Variants in FGGY observed in about 807,000 individuals in gnomAD.
FGGY encodes FGGY carbohydrate kinase domain-containing protein.
FGGY carries 72 observed loss-of-function variants against 71.3 expected under a neutral mutation model. The ratio of observed to expected loss-of-function variants is 1.01; its 90% CI spans 0.84 to 1.23. The LOEUF is 1.23. Among genes scored for constraint, FGGY ranks in the 50% most tolerant of loss-of-function variants. The pLI is 0.00. For missense variants in FGGY, 668 were observed against 682.3 expected, an observed-to-expected ratio of 0.98 and a Z score of 0.23; for synonymous variants, 251 against 250.3, an observed-to-expected ratio of 1.00 and a Z score of -0.02.
At chr1:59,367,947 T>A (rs565930161) in intron 4 of FGGY, among the ~76,000 whole-genome samples, 11 of 152,330 alleles carry the variant, frequency 7.2e-5, no homozygotes, top group African/African-American at 2.4e-4. Context: ...TGCTTTAAGC[T>A]GAGGGATTGC....
At chr1:59,584,339 T>G (rs2096246916) in intron 8 of FGGY, among the ~76,000 whole-genome samples, 1 of 150,000 alleles carries the variant, frequency 6.7e-6, no homozygotes. Flanking sequence ...GTGGGCTTCA[T>G]CCCTGGGATG....
chr1:59,573,683 T>G (rs1430099682), intron 8 of FGGY, among the ~76,000 whole-genome samples: 1 of 152,212 alleles, frequency 6.6e-6, no homozygotes, highest in Non-Finnish European at 1.5e-5. Context: ...CATGCTTATA[T>G]TTGGCATAAC....
chr1:59,699,951 A>G (rs546524794), intron 14 of FGGY, among the ~76,000 whole-genome samples: 2 of 152,280 alleles, frequency 1.3e-5, no homozygotes, highest in African/African-American at 4.8e-5. Flanking sequence ...TGAGACTTTT[A>G]GCCTATTTGT....
chr1:59,421,080 TCTAGC>T (rs1470746362), intron 5 of FGGY, among the ~76,000 whole-genome samples: 4 of 152,096 alleles, frequency 2.6e-5, no homozygotes, highest in African/African-American at 9.7e-5. Context: ...AAGAATACAC[TCTAGC>T]CTAAAAAGCC....
At chr1:59,457,360 C>A (rs2091809240) in intron 6 of FGGY, among the ~76,000 whole-genome samples, 2 of 152,144 alleles carry the variant, frequency 1.3e-5, no homozygotes, top group Non-Finnish European at 2.9e-5. Flanking sequence ...CCTGTAATCC[C>A]AGCACTTTGG....
Position 59,528,488 on chromosome 1 carries a change from G to A in FGGY, c.799+16049G>A, listed in dbSNP as rs180758382. On this transcript the variant is annotated intron_variant, in intron 7 of 15. Coordinates refer to ENST00000303721, the MANE Select transcript of FGGY (RefSeq NM_018291.5). ...TTCACCCAAGCCAGCGTTAACAGCT[G>A]TAGATGATTTTCTTCTAATGTTCTA... is the stretch of plus-strand genomic sequence containing the variant. Among the ~76,000 whole-genome samples, 197 of 152,340 alleles carry A rather than the reference G, an allele frequency of 1.3e-3. 2 individuals are homozygous for A. The highest frequency in any genetic ancestry group is 4.4e-3 in the African/African-American group (184 of 41,592).
At chr1:59,546,433 G>C in intron 7 of FGGY, among the ~76,000 whole-genome samples, 1 of 151,510 alleles carries the variant, frequency 6.6e-6, no homozygotes, top group African/African-American at 2.4e-5. Context: ...GGGTTGGGGT[G>C]GGGAGGGGGC....
chr1:59,613,553 G>C (rs192361864), intron 9 of FGGY, among the ~76,000 whole-genome samples: 220 of 152,108 alleles, frequency 1.4e-3, no homozygotes, highest in African/African-American at 5.1e-3. Context: ...CAGGAAAGGT[G>C]TAAAATTGAC....
At chr1:59,701,841 A>C (rs1035994875) in intron 14 of FGGY, among the ~76,000 whole-genome samples, 8 of 152,184 alleles carry the variant, frequency 5.3e-5, no homozygotes, top group Non-Finnish European at 1.2e-4. Context: ...TACTGGATGA[A>C]AATGTGAATG....
intron 14 of FGGY, among the ~76,000 whole-genome samples, chr1:59,677,254 A>T (rs2097444797): frequency 6.6e-6 from 1 of 152,224 alleles, no homozygotes; most frequent in African/African-American, 2.4e-5. Flanking sequence ...ACTTCAACAC[A>T]GTCTTTTCTT....
At chr1:59,714,082 C>G (rs576567190) in intron 14 of FGGY, among the ~76,000 whole-genome samples, 7 of 152,308 alleles carry the variant, frequency 4.6e-5, no homozygotes, top group African/African-American at 1.7e-4. Flanking sequence ...ATATCCAGGA[C>G]AGACCTAGCT....
Position 59,724,765 on chromosome 1 carries a change from T to A in FGGY, c.1513-33166T>A, listed in dbSNP as rs1237076007. Among the ~76,000 whole-genome samples the A allele has an allele frequency of 2.0e-5, 3 of 152,348 alleles. No homozygotes were observed. In the East Asian group the frequency reaches 5.8e-4, roughly 29 times the overall value. ...GTGTCTTTATATATATTATGTGCCA[T>A]CTATATATCTTCTTTGGTGAATCAC... On this transcript the variant is annotated intron_variant, in intron 14 of 15. Coordinates refer to ENST00000303721, the MANE Select transcript of FGGY (RefSeq NM_018291.5).
intron 1 of FGGY, among the ~76,000 whole-genome samples, chr1:59,307,313 CA>C (rs398049311): frequency 0.34 from 22,983 of 67,542 alleles, 1,055 homozygotes; most frequent in East Asian, 0.44. Context: ...GACCCTGTCT[CA>C]AAAAAAAAAA....
intron 5 of FGGY, among the ~76,000 whole-genome samples, chr1:59,392,827 G>A (rs1284683593): frequency 6.6e-6 from 1 of 152,050 alleles, no homozygotes; most frequent in East Asian, 1.9e-4. Flanking sequence ...TTGCAGTCAG[G>A]GAGCCCTCTG....
At chr1:59,301,706 C>CTTTTTTTTTTTTTTTTTTTTTTTTTT (rs34290988) in intron 1 of FGGY, among the ~76,000 whole-genome samples, 2 of 54,964 alleles carry the variant, frequency 3.6e-5, no homozygotes, top group Non-Finnish European at 6.2e-5. Context: ...TGTGATCATT[C>CTTTTTTTTTTTTTTTTTTTTTTTTTT]TTTTTTTTTT....
intron 13 of FGGY, chr1:59,673,819 G>T (rs574065199): frequency 1.4e-5 from 7 of 515,568 alleles, no homozygotes; most frequent in African/African-American, 9.6e-5. Context: ...TATGGTGTTG[G>T]TTCCCTTGGG....
intron 5 of FGGY, among the ~76,000 whole-genome samples, chr1:59,401,070 T>C (rs1230151654): frequency 6.6e-6 from 1 of 152,196 alleles, no homozygotes; most frequent in Non-Finnish European, 1.5e-5. Context: ...TAAAAATTCA[T>C]AGTCTCAAAA....
intron 2 of FGGY, among the ~76,000 whole-genome samples, chr1:59,330,905 C>T (rs935196343): frequency 6.6e-6 from 1 of 151,882 alleles, no homozygotes; most frequent in African/African-American, 2.4e-5. Flanking sequence ...GAATGGCTGG[C>T]AGAGAAGAAA....
At chr1:59,447,799 A>G (rs2071652972) in intron 5 of FGGY, among the ~76,000 whole-genome samples, 1 of 152,142 alleles carries the variant, frequency 6.6e-6, no homozygotes, top group Admixed American at 6.5e-5. Context: ...TGAGTTTATT[A>G]AACCTCTTTT....
Sources: allele counts gnomAD v4.1 joint callset (sites outside exome capture counted in the v4.1 genomes callset), GRCh38; gene constraint gnomAD v4.1.1; transcripts MANE v1.5; gene names NCBI Gene and HGNC (gene_info 2026-07-23, HGNC 2026-07-21).